DYSF: variants seen among roughly 807,000 people sequenced by gnomAD.
DYSF encodes the protein dysferlin, also known as dystrophy-associated fer-1-like 1.
In DYSF, 212 loss-of-function variants were observed where a neutral mutation model predicts 274.9. The observed-to-expected ratio is 0.77, with a 90% CI of 0.69 to 0.86. DYSF has a LOEUF of 0.86. Among genes scored for constraint, DYSF ranks in the 40% least tolerant of loss-of-function variants. DYSF has a pLI of 0.00. For missense variants in DYSF, 2,666 were observed against 2,783.2 expected (o/e 0.96, Z 0.95); for synonymous variants, 1,091 against 1,078.7 (o/e 1.01, Z -0.22).
chr2:71,561,987 T>A (rs2091806767), intron 23 of DYSF, 43 bp downstream of exon 23: 2 of 1,595,342 alleles, frequency 1.3e-6, no homozygotes, highest in Admixed American at 3.5e-5. Flanking sequence ...GCTCTCCTGC[T>A]GCCTGGAACA....
Position 71,481,942 on chromosome 2 carries a change from A to G in DYSF, c.211A>G (p.Lys71Glu), listed in dbSNP as rs186523644. ...GGGCTCTGAGCTTCATGTGGTGGTC[A>G]AAGACCATGAGACGATGGGGAGGAA... is the stretch of plus-strand genomic sequence containing the variant. ...DQGSELHVVVKDHETMGRNRF... is the reference protein window; with the variant it reads ...DQGSELHVVVEDHETMGRNRF... The change falls in exon 3 of 56, where the codon AAA becomes GAA. Residue 71 changes from lysine to glutamate, a missense_variant. By Grantham distance (56) the Lys-to-Glu change is moderately conservative. Coordinates refer to ENST00000410020, the MANE Select transcript of DYSF (RefSeq NM_001130987.2). 1.9e-6 allele frequency: 3 copies of G among 1,614,190 alleles called. No individual in the cohort carries two copies. The East Asian group carries it at 6.7e-5, about 36-fold the overall frequency.
At chr2:71,492,606 T>C (rs1408241970) in intron 3 of DYSF, among the ~76,000 whole-genome samples, 1 of 152,194 alleles carries the variant, frequency 6.6e-6, no homozygotes, top group East Asian at 1.9e-4. Flanking sequence ...AGAACATCCA[T>C]ATATTCTTTA....
At position 71,665,155 on chromosome 2, in the gene DYSF, T is replaced by C. The variant is rs764665728; in HGVS notation, c.5175-7T>C. Reference sequence around the variant, plus strand: ...CATCTCATCTATGTCTTGTGCTTGCTCCTCAGCTCTGGACCGAACCAGTGG... The same window carrying C: ...CATCTCATCTATGTCTTGTGCTTGCCCCTCAGCTCTGGACCGAACCAGTGG... On this transcript the variant is annotated splice_polypyrimidine_tract_variant and splice_region_variant and intron_variant, in intron 46 of 55. Coordinates refer to ENST00000410020, the MANE Select transcript of DYSF (RefSeq NM_001130987.2). 11 of 1,613,478 alleles carry C rather than the reference T, an allele frequency of 6.8e-6. No individual in the cohort carries two copies. In the South Asian group the frequency reaches 1.1e-4, roughly 16 times the overall value.
intron 17 of DYSF, among the ~76,000 whole-genome samples, chr2:71,542,178 A>T (rs1172552714): frequency 1.3e-5 from 2 of 152,190 alleles, no homozygotes; most frequent in Non-Finnish European, 2.9e-5. Context: ...AGGCGGTTGT[A>T]AAAATCATGA....
chr2:71,461,010 T>C (rs1232320606), intron 1 of DYSF, among the ~76,000 whole-genome samples: 2 of 151,186 alleles, frequency 1.3e-5, no homozygotes, highest in East Asian at 3.9e-4. Flanking sequence ...TAGGGGGCAG[T>C]ACTATCCCCT....
At position 71,598,658 on chromosome 2, in the gene DYSF, C is replaced by T. The variant is rs1352496725; in HGVS notation, c.3669C>T (p.Phe1223=). 16 of 1,614,054 alleles carry T rather than the reference C, an allele frequency of 9.9e-6. No homozygotes were observed. The highest frequency in any genetic ancestry group is 1.7e-5 in the Admixed American group (1 of 60,016). ...CCACCTGGGACCAGACGCTCATCTTCTACGAGATCGAGATCTTTGGCGAGC... is the reference window on the plus strand; with the variant it reads ...CCACCTGGGACCAGACGCTCATCTTTTACGAGATCGAGATCTTTGGCGAGC... The part of the protein sequence containing the change: ...LNPTWDQTLI[F]YEIEIFGEPA... The change falls in exon 33 of 56, where the codon TTC becomes TTT. Residue 1223 remains phenylalanine (F), a synonymous_variant. Coordinates refer to ENST00000410020, the MANE Select transcript of DYSF (RefSeq NM_001130987.2).
At chr2:71,659,591 AT>A (rs2094839920) in intron 44 of DYSF, among the ~76,000 whole-genome samples, 1 of 152,222 alleles carries the variant, frequency 6.6e-6, no homozygotes, top group Non-Finnish European at 1.5e-5. Context: ...ATCATGGACT[AT>A]TGACACTGAT....
chr2:71,522,306 TCTC>T (rs1321318250), intron 12 of DYSF, among the ~76,000 whole-genome samples: 6 of 151,636 alleles, frequency 4.0e-5, no homozygotes, highest in Admixed American at 2.6e-4. Flanking sequence ...GCTCATTCCT[TCTC>T]CTCTTCAGTA....
chr2:71,511,690 T>C (rs1201099579), intron 4 of DYSF, 117 bp from the exon 5 acceptor site: 5 of 761,174 alleles, frequency 6.6e-6, no homozygotes, highest in African/African-American at 1.7e-5. Flanking sequence ...CCTGCAAACC[T>C]GGCTCTTGTC....
chr2:71,562,692 A>G (rs2091852152), intron 23 of DYSF, among the ~76,000 whole-genome samples: 1 of 152,188 alleles, frequency 6.6e-6, no homozygotes, highest in African/African-American at 2.4e-5. Flanking sequence ...TGAGAAGGGC[A>G]GGGCCAGGAG....
At position 71,660,162 on chromosome 2, in the gene DYSF, G is replaced by T. The variant is rs1033015820; in HGVS notation, c.4912-398G>T. Reference sequence around the variant, plus strand: ...AGGAAGCATGGAGGGAGACCTCCCTGGGCTAGCCTAGGCTGACATAGGCTG... The same window carrying T: ...AGGAAGCATGGAGGGAGACCTCCCTTGGCTAGCCTAGGCTGACATAGGCTG... On this transcript the variant is annotated intron_variant, in intron 44 of 55. Transcript: ENST00000410020. Among the ~76,000 whole-genome samples, 4 of 152,344 alleles carry T rather than the reference G, an allele frequency of 2.6e-5. 1 individual carries two copies. Among genetic ancestry groups the T allele is most frequent in the Admixed American group, 2.6e-4 (4 of 15,304 alleles).
intron 3 of DYSF, among the ~76,000 whole-genome samples, chr2:71,491,817 T>C (rs2083879582): frequency 1.3e-5 from 2 of 152,244 alleles, no homozygotes; most frequent in Admixed American, 6.5e-5. Context: ...CTATCATCGA[T>C]GGGCATTTAG....
intron 32 of DYSF, among the ~76,000 whole-genome samples, chr2:71,591,396 G>A (rs540731756): frequency 1.3e-5 from 2 of 152,146 alleles, no homozygotes; most frequent in African/African-American, 4.8e-5. Context: ...CTCTGACCAT[G>A]AGCTCCCCCA....
intron 16 of DYSF, among the ~76,000 whole-genome samples, chr2:71,538,272 A>T (rs76509113): frequency 0.033 from 4,972 of 152,334 alleles, 126 homozygotes; most frequent in Middle Eastern, 0.061. Context: ...GTTACTGTTT[A>T]TTATTATCAA....
At chr2:71,622,126 C>G (rs373311630) in intron 41 of DYSF, among the ~76,000 whole-genome samples, 1 of 38,746 alleles carries the variant, frequency 2.6e-5, no homozygotes, top group Non-Finnish European at 7.0e-5. Flanking sequence ...CAGATGATTT[C>G]TTTGTTTTTT....
At chr2:71,600,972 G>A (rs2093535927) in intron 34 of DYSF, 130 bp downstream of exon 34, 1 of 1,200,834 alleles carries the variant, frequency 8.3e-7, no homozygotes, top group African/African-American at 1.5e-5. Flanking sequence ...TGAACCCTAA[G>A]TCAGGACACC....
Position 71,513,316 on chromosome 2 carries a change from G to A in DYSF, c.537G>A (p.Lys179=), listed in dbSNP as rs2086297045. 2 of 1,551,556 alleles carry A rather than the reference G, an allele frequency of 1.3e-6. No individual in the cohort carries two copies. Among genetic ancestry groups the A allele is most frequent in the African/African-American group, 2.7e-5 (2 of 73,050 alleles). ...TGGACACGAGATACTCTGGAAAGAA[G>A]TGGCCGGCCCCCACGGGTGAGACAC... is the stretch of plus-strand genomic sequence containing the variant. ...STMDTRYSGK[K]WPAPTDTGGE... is the part of the protein sequence containing the mutation. The change falls in exon 6 of 56, where the codon AAG becomes AAA. Residue 179 remains lysine, a synonymous_variant. Transcript: ENST00000410020.
chr2:71,493,115 C>T (rs1358131041), intron 3 of DYSF, among the ~76,000 whole-genome samples: 1 of 152,076 alleles, frequency 6.6e-6, no homozygotes, highest in Non-Finnish European at 1.5e-5. Context: ...TCTTGAACTC[C>T]TAGGATCAAG....
rs1330184803 is a variant in DYSF, at chr2:71,634,749, C to T, written c.4528-9216C>T. Among the ~76,000 whole-genome samples the T allele has an allele frequency of 2.0e-5, 3 of 152,250 alleles. No homozygotes were observed. The East Asian group carries it at 5.8e-4, about 29-fold the overall frequency. On this transcript the variant is annotated intron_variant, in intron 41 of 55. Transcript: ENST00000410020. ...CTTAACCCTGGGAGGCAGCTCAGTT[C>T]TGGGTTGGGCTTCCATAATGTCATG...
Sources: gnomAD v4.1 joint callset for allele counts (sites outside exome capture counted in the v4.1 genomes callset) on GRCh38, gnomAD v4.1.1 for gene constraint, MANE v1.5 for transcripts, NCBI Gene and HGNC (gene_info 2026-07-23, HGNC 2026-07-21) for gene names.